RBBP5: variants seen among roughly 807,000 people sequenced by gnomAD.
RBBP5 encodes the protein RB binding protein 5, histone lysine methyltransferase complex subunit.
In RBBP5, 5 loss-of-function variants were observed where a neutral mutation model predicts 72.2. That is an observed-to-expected ratio of 0.07 (90% CI 0.04 to 0.15). RBBP5 has a LOEUF of 0.15. Ranked by LOEUF, RBBP5 falls within the 10% of genes least tolerant of loss-of-function variation. The pLI is 1.00. For synonymous variants in RBBP5, 209 were observed against 237.2 expected, an observed-to-expected ratio of 0.88 and a Z score of 1.09; for missense variants, 322 against 652.2, an observed-to-expected ratio of 0.49 and a Z score of 5.51.
intron 3 of RBBP5, among the ~76,000 whole-genome samples, chr1:205,106,999 A>C (rs1656090033): frequency 6.6e-6 from 1 of 151,928 alleles, no homozygotes; most frequent in African/African-American, 2.4e-5. Context: ...AGATGGAATA[A>C]AAATTACCAT....
intron 13 of RBBP5, among the ~76,000 whole-genome samples, chr1:205,094,438 T>C (rs545012434): frequency 6.6e-6 from 1 of 152,268 alleles, no homozygotes; most frequent in African/African-American, 2.4e-5. Context: ...AAGGACTATA[T>C]AAAACAAGCT....
intron 13 of RBBP5, among the ~76,000 whole-genome samples, chr1:205,089,294 T>C (rs1655245942): frequency 6.6e-6 from 1 of 152,228 alleles, no homozygotes; most frequent in Non-Finnish European, 1.5e-5. Flanking sequence ...CTTATCACCT[T>C]AGAATCCCAA....
chr1:205,112,697 T>A (rs1656364597), intron 3 of RBBP5, among the ~76,000 whole-genome samples: 1 of 152,096 alleles, frequency 6.6e-6, no homozygotes. Context: ...TAAATTATGG[T>A]TTATCAGACA....
chr1:205,118,600 C>T (rs541991536), intron 1 of RBBP5, among the ~76,000 whole-genome samples: 20 of 151,984 alleles, frequency 1.3e-4, no homozygotes, highest in African/African-American at 4.3e-4. Context: ...CCAGCCTGGG[C>T]GACAGAAGCA....
intron 13 of RBBP5, among the ~76,000 whole-genome samples, chr1:205,094,300 C>T (rs1655528608): frequency 1.3e-5 from 2 of 152,214 alleles, no homozygotes; most frequent in Admixed American, 1.3e-4. Context: ...CAAACCCCAT[C>T]TTCTTCCTTA....
intron 3 of RBBP5, among the ~76,000 whole-genome samples, chr1:205,114,237 C>T (rs959150251): frequency 6.6e-6 from 1 of 152,062 alleles, no homozygotes; most frequent in Non-Finnish European, 1.5e-5. Flanking sequence ...TTTGTTGGCC[C>T]CAAGTTCATT....
intron 10 of RBBP5, 23 bp from the exon 11 acceptor site, chr1:205,097,418 A>G: frequency 6.4e-7 from 1 of 1,550,900 alleles, no homozygotes; most frequent in Non-Finnish European, 8.7e-7. Flanking sequence ...AACACAGGAG[A>G]TGTTTGAGAA....
chr1:205,121,304 G>A (rs1409634354), intron 1 of RBBP5, among the ~76,000 whole-genome samples: 2 of 152,148 alleles, frequency 1.3e-5, no homozygotes, highest in Non-Finnish European at 2.9e-5. Context: ...CCCTAGCAAA[G>A]GACCTTAAAC....
rs1160460225 is a variant in RBBP5 at position 205,096,985 on chromosome 1, A to G, written c.1167-74T>C. 3 of 1,312,308 alleles carry G rather than the reference A, an allele frequency of 2.3e-6. No homozygotes were observed. In the East Asian group the frequency reaches 7.0e-5, roughly 30 times the overall value. 81.3% of individuals were successfully genotyped at this position (1,312,308 alleles called of 1,614,324 possible). ...TGCTTAAACCATGAGCCCTTCCTCT[A>G]TCACCTATATTAAGCATAAGCAACA... is the stretch of plus-strand genomic sequence containing the variant. On this transcript the variant is annotated intron_variant, in intron 11 of 13. Transcript: ENST00000264515.
At chr1:205,104,712 G>A (rs889656972) in intron 4 of RBBP5, among the ~76,000 whole-genome samples, 7 of 151,878 alleles carry the variant, frequency 4.6e-5, no homozygotes, top group East Asian at 3.9e-4. Flanking sequence ...ATGGTGGCAC[G>A]CACCTGCAGT....
chr1:205,104,842 AAAAGAAAG>A (rs534462263), intron 4 of RBBP5, among the ~76,000 whole-genome samples, 178 bp downstream of exon 4: 1 of 152,174 alleles, frequency 6.6e-6, no homozygotes, highest in African/African-American at 2.4e-5. Context: ...TGTCTCAAAA[AAAAGAAAG>A]AAAGAAAGAA....
chr1:205,109,924 G>A (rs976979716), intron 3 of RBBP5, among the ~76,000 whole-genome samples: 3 of 152,014 alleles, frequency 2.0e-5, no homozygotes, highest in African/African-American at 7.3e-5. Flanking sequence ...CTCTCTCCTG[G>A]GCAGTCAATC....
At chr1:205,107,316 C>T (rs766468829) in intron 3 of RBBP5, among the ~76,000 whole-genome samples, 15 of 151,830 alleles carry the variant, frequency 9.9e-5, no homozygotes, top group South Asian at 2.1e-4. Flanking sequence ...AAATCCACTC[C>T]GAGAAATACA....
intron 1 of RBBP5, 55 bp from the exon 2 acceptor site, chr1:205,115,938 T>C (rs767858064): frequency 2.5e-6 from 4 of 1,613,996 alleles, no homozygotes; most frequent in South Asian, 1.1e-5. Flanking sequence ...GCAAGGATCA[T>C]ACAACTCACG....
At chr1:205,101,579 A>C (rs1655824279) in intron 6 of RBBP5, 21 bp downstream of exon 6, 2 of 1,551,762 alleles carry the variant, frequency 1.3e-6, no homozygotes, top group Non-Finnish European at 1.8e-6. Flanking sequence ...ACTGTCCCTT[A>C]AAAGGTAAGA....
At chr1:205,108,397 G>A (rs1656169276) in intron 3 of RBBP5, among the ~76,000 whole-genome samples, 1 of 152,158 alleles carries the variant, frequency 6.6e-6, no homozygotes, top group Admixed American at 6.6e-5. Context: ...AGGAAGGTAA[G>A]GTTTCTACAC....
At chr1:205,103,713 G>T in intron 5 of RBBP5, 144 bp downstream of exon 5, 1 of 954,958 alleles carries the variant, frequency 1.0e-6, no homozygotes, top group Non-Finnish European at 1.5e-6. Flanking sequence ...ATTATTAAGA[G>T]ATGGAAGAAA....
chr1:205,093,587 TAC>T (rs1441077936), intron 13 of RBBP5, among the ~76,000 whole-genome samples: 5 of 139,406 alleles, frequency 3.6e-5, no homozygotes, highest in Non-Finnish European at 7.6e-5. Context: ...TATGTATATA[TAC>T]ACAAACACAG....
chr1:205,090,374 A>C (rs1655296225), intron 13 of RBBP5, among the ~76,000 whole-genome samples: 1 of 152,210 alleles, frequency 6.6e-6, no homozygotes, highest in African/African-American at 2.4e-5. Flanking sequence ...AGTAATAGGC[A>C]CTCAAGATGA....
Sources: gnomAD v4.1 joint callset for allele counts (sites outside exome capture counted in the v4.1 genomes callset) on GRCh38, gnomAD v4.1.1 for gene constraint, MANE v1.5 for transcripts, NCBI Gene and HGNC (gene_info 2026-07-23, HGNC 2026-07-21) for gene names.